HEMK2: variants seen among roughly 807,000 people sequenced by gnomAD.
HEMK2 encodes the protein HemK methyltransferase 2, ETF1 glutamine and histone H4 lysine, also known as methyltransferase HEMK2.
At chr21:28,659,480 A>C in the HEMK2 span, among the ~76,000 whole-genome samples, 66 of 152,188 alleles carry the variant, frequency 4.3e-4, no homozygotes, top group Admixed American at 8.5e-4. Flanking sequence ...TAAAAGTGCC[A>C]AAAGAAGTGA....
chr21:28,788,165 T>C, the HEMK2 span, among the ~76,000 whole-genome samples: 1 of 118,854 alleles, frequency 8.4e-6, no homozygotes, highest in Non-Finnish European at 1.6e-5. Context: ...TATACATATA[T>C]ACTCCATCAT....
the HEMK2 span, among the ~76,000 whole-genome samples, chr21:28,597,349 C>T: frequency 5.3e-5 from 8 of 152,122 alleles, no homozygotes; most frequent in Non-Finnish European, 1.0e-4. Context: ...TGGGTGAGAA[C>T]AAGAAAAGAG....
chr21:28,835,112 C>A, the HEMK2 span, among the ~76,000 whole-genome samples: 1 of 152,108 alleles, frequency 6.6e-6, no homozygotes, highest in South Asian at 2.1e-4. Context: ...TAGGGCCCCA[C>A]CCACCACCAG....
the HEMK2 span, among the ~76,000 whole-genome samples, chr21:28,611,541 T>C: frequency 6.6e-6 from 1 of 151,896 alleles, no homozygotes; most frequent in Non-Finnish European, 1.5e-5. Flanking sequence ...CAAAAATAAA[T>C]AGACTCTGAA....
At chr21:28,760,160 C>T in the HEMK2 span, among the ~76,000 whole-genome samples, 1 of 152,158 alleles carries the variant, frequency 6.6e-6, no homozygotes, top group Non-Finnish European at 1.5e-5. Flanking sequence ...TAACAACTCC[C>T]AACTCTCAGG....
the HEMK2 span, among the ~76,000 whole-genome samples, chr21:28,588,219 A>C: frequency 6.6e-6 from 1 of 152,364 alleles, no homozygotes; most frequent in Non-Finnish European, 1.5e-5. Flanking sequence ...AGTGAAAAAA[A>C]AGTGTTGTAA....
chr21:28,775,436 C>CGT, the HEMK2 span, among the ~76,000 whole-genome samples: 63 of 151,698 alleles, frequency 4.2e-4, 1 homozygote, highest in East Asian at 8.3e-3. Context: ...GAATTTAAAA[C>CGT]GTGTGTGTGT....
chr21:28,647,074 T>C, the HEMK2 span, among the ~76,000 whole-genome samples: 3 of 152,116 alleles, frequency 2.0e-5, no homozygotes, highest in Non-Finnish European at 4.4e-5. Flanking sequence ...AGAATGTGGC[T>C]CTGAAATATG....
chr21:28,795,904 G>A, the HEMK2 span, among the ~76,000 whole-genome samples: 1 of 152,164 alleles, frequency 6.6e-6, no homozygotes, highest in Non-Finnish European at 1.5e-5. Context: ...AAATCTGAGT[G>A]AGAAAATGAT....
the HEMK2 span, among the ~76,000 whole-genome samples, chr21:28,648,942 C>G: frequency 7.3e-6 from 1 of 136,246 alleles, no homozygotes; most frequent in Non-Finnish European, 1.5e-5. Flanking sequence ...CCGCTCCCCC[C>G]ACCCCACAAC....
the HEMK2 span, among the ~76,000 whole-genome samples, chr21:28,864,910 T>TGA: frequency 4.4e-5 from 1 of 22,748 alleles, no homozygotes; most frequent in Non-Finnish European, 1.1e-4. Flanking sequence ...TATAGATAGA[T>TGA]GATATAGATA....
the HEMK2 span, among the ~76,000 whole-genome samples, chr21:28,581,683 A>G: frequency 6.6e-6 from 1 of 152,350 alleles, no homozygotes; most frequent in African/African-American, 2.4e-5. Context: ...GCTGCTTTCT[A>G]TCTCAGGGTA....
At chr21:28,841,013 T>TAATATATAA in the HEMK2 span, among the ~76,000 whole-genome samples, 1 of 114,452 alleles carries the variant, frequency 8.7e-6, no homozygotes, top group Non-Finnish European at 1.7e-5. Flanking sequence ...ATTATATATA[T>TAATATATAA]AATATATAAA....
the HEMK2 span, among the ~76,000 whole-genome samples, chr21:28,672,267 G>A: frequency 1.3e-3 from 200 of 152,086 alleles, no homozygotes; most frequent in African/African-American, 4.6e-3. Flanking sequence ...GTCTTCCTCA[G>A]GTTAACAACT....
chr21:28,880,938 A>AAAC, the HEMK2 span, among the ~76,000 whole-genome samples: 2 of 149,594 alleles, frequency 1.3e-5, no homozygotes, highest in East Asian at 3.9e-4. Flanking sequence ...TAAAAAAAAA[A>AAAC]AAAAAAAAAA....
chr21:28,767,367 T>C, the HEMK2 span, among the ~76,000 whole-genome samples: 2 of 149,862 alleles, frequency 1.3e-5, no homozygotes, highest in African/African-American at 5.0e-5. Flanking sequence ...CAAAAACTAC[T>C]GAAATTTAAA....
chr21:28,576,469 C>CTT, the HEMK2 span, among the ~76,000 whole-genome samples: 99,856 of 151,604 alleles, frequency 0.66, 34,063 homozygotes, highest in Non-Finnish European at 0.75. Flanking sequence ...TTTAAAATAT[C>CTT]AACACAAGTT....
chr21:28,618,300 T>TA, the HEMK2 span, among the ~76,000 whole-genome samples: 1,189 of 152,306 alleles, frequency 7.8e-3, 19 homozygotes, highest in African/African-American at 0.027. Flanking sequence ...TTTCATGACT[T>TA]ACAACTGTAT....
At chr21:28,583,142 T>C in the HEMK2 span, among the ~76,000 whole-genome samples, 1 of 152,224 alleles carries the variant, frequency 6.6e-6, no homozygotes, top group Non-Finnish European at 1.5e-5. Flanking sequence ...ACAATTTATT[T>C]TATTTTTTAC....
Sources: gnomAD v4.1 joint callset for allele counts (sites outside exome capture counted in the v4.1 genomes callset) on GRCh38, gnomAD v4.1.1 for gene constraint, MANE v1.5 for transcripts, NCBI Gene and HGNC (gene_info 2026-07-23, HGNC 2026-07-21) for gene names.